The following FNBP4 variants were observed in gnomAD, a reference collection of about 807,000 sequenced individuals.
The protein encoded by FNBP4 is formin binding protein 4.
Under a neutral mutation model 119.3 loss-of-function variants are expected in FNBP4, and 34 were observed. That is an observed-to-expected ratio of 0.28 (90% CI 0.22 to 0.38). FNBP4 has a LOEUF of 0.38. Ranked by LOEUF, FNBP4 falls within the 10% of genes least tolerant of loss-of-function variation. The probability of loss-of-function intolerance (pLI) is 1.00; values close to 1 mark genes in which losing one functional copy is unlikely to be tolerated. For missense variants in FNBP4, 1,112 were observed against 1,228.9 expected (o/e 0.90, Z 1.42); for synonymous variants, 462 against 430.6 (o/e 1.07, Z -0.90).
At chr11:47,742,751 G>A (rs748753656) in intron 8 of FNBP4, among the ~76,000 whole-genome samples, 1 of 149,900 alleles carries the variant, frequency 6.7e-6, no homozygotes, top group East Asian at 2.0e-4. Flanking sequence ...TTAGCTGGGC[G>A]TGGTGACGGG....
rs1206644316 is a variant in FNBP4 at position 47,723,385 on chromosome 11, G to A, written c.2465-69C>T. Reference sequence around the variant, plus strand: ...GACAAGAACAGATGCAATGAAAAGAGAAGTGGGGATTAGATCACATAGAAA... The same window carrying A: ...GACAAGAACAGATGCAATGAAAAGAAAAGTGGGGATTAGATCACATAGAAA... On this transcript the variant is annotated intron_variant, in intron 14 of 16. Transcript: ENST00000263773. 5 of 1,520,424 alleles carry A rather than the reference G, an allele frequency of 3.3e-6. 1 individual carries two copies. In the Admixed American group the frequency reaches 6.5e-5, roughly 20 times the overall value. 94.2% of individuals were successfully genotyped at this position (1,520,424 alleles called of 1,614,324 possible).
chr11:47,750,818 T>C (rs2097601577), intron 6 of FNBP4, 98 bp downstream of exon 6: 1 of 1,266,036 alleles, frequency 7.9e-7, no homozygotes, highest in African/African-American at 1.5e-5. Context: ...ATTTCACATG[T>C]ATGACATAAA....
chr11:47,740,072 T>TTA lies in FNBP4; in HGVS notation c.1457-3334_1457-3333dup, dbSNP rs776828347. On this transcript the variant is annotated intron_variant, in intron 8 of 16. Transcript: ENST00000263773. ...GTCTCGGTCTCCCAAAGTGCTTGGA[T>TTA]TATAGGCGTGAGCCAGGCCAACATC... 1.2e-4 allele frequency among the ~76,000 whole-genome samples: 19 copies of TTA among 152,058 alleles called. 1 individual carries two copies. In the East Asian group the frequency reaches 3.7e-3, roughly 30 times the overall value.
In FNBP4 at chr11:47,723,284, TTGCCTGGTTTCCAATCCCTGC is replaced by T. The variant is rs756294204; in HGVS notation, c.2476_2496del (p.Ala826_Ala832del). The T allele has an allele frequency of 7.9e-5, 128 of 1,612,090 alleles. No individual in the cohort carries two copies. Among genetic ancestry groups the T allele is most frequent in the Middle Eastern group, 1.6e-4 (1 of 6,070 alleles). Reference sequence around the variant, plus strand: ...GGTATTGTCTGATGTCCAATTCCTGTTGCCTGGTTTCCAATCCCTGCTGCCTGGTGACCTAACACAGAAAAC... The same window carrying T: ...GGTATTGTCTGATGTCCAATTCCTGTTGCCTGGTGACCTAACACAGAAAAC... On this transcript the variant is annotated inframe_deletion, in exon 15 of 17. Coordinates refer to ENST00000263773, the MANE Select transcript of FNBP4 (RefSeq NM_015308.5).
At chr11:47,764,965 T>A (rs1212253103) in intron 2 of FNBP4, among the ~76,000 whole-genome samples, 2 of 152,012 alleles carry the variant, frequency 1.3e-5, no homozygotes, top group Non-Finnish European at 2.9e-5. Flanking sequence ...AGAAAAGGAA[T>A]AGGAGTTGGC....
chr11:47,733,138 C>T (rs1257634629), intron 10 of FNBP4, among the ~76,000 whole-genome samples: 2 of 152,138 alleles, frequency 1.3e-5, no homozygotes, highest in African/African-American at 4.8e-5. Flanking sequence ...CCCAAGTACG[C>T]AGCAGAGTTC....
At chr11:47,761,605 A>G (rs2097634713) in intron 2 of FNBP4, among the ~76,000 whole-genome samples, 1 of 151,984 alleles carries the variant, frequency 6.6e-6, no homozygotes, top group Non-Finnish European at 1.5e-5. Context: ...GCAAAAAAAA[A>G]AAGAGAAAAA....
intron 2 of FNBP4, among the ~76,000 whole-genome samples, chr11:47,759,636 G>A (rs2097628706): frequency 6.6e-6 from 1 of 152,098 alleles, no homozygotes; most frequent in African/African-American, 2.4e-5. Flanking sequence ...TTCTGGAAAG[G>A]AGAGTGGGAA....
chr11:47,724,317 A>G, intron 13 of FNBP4, 145 bp from the exon 14 acceptor site: 1 of 1,521,716 alleles, frequency 6.6e-7, no homozygotes, highest in Non-Finnish European at 8.9e-7. Flanking sequence ...CCTGGGCTTA[A>G]GCAATCCTCC....
Position 47,716,496 on chromosome 11 carries a change from G to A in FNBP4, c.*926C>T, listed in dbSNP as rs1470309362. ...TTACATAATCAGAATAACAGGAGTT[G>A]ACGAGCAAAAGGATAACCCATCAGG... On this transcript the variant is annotated 3_prime_UTR_variant, in exon 17 of 17. Transcript: ENST00000263773. 2.0e-5 allele frequency: 3 copies of A among 152,534 alleles called. No homozygotes were observed. The highest frequency in any genetic ancestry group is 7.2e-5 in the African/African-American group (3 of 41,390). 9.4% of individuals were successfully genotyped at this position (152,534 alleles called of 1,614,324 possible).
chr11:47,719,238 C>T (rs1043983566), intron 16 of FNBP4, among the ~76,000 whole-genome samples: 2 of 152,218 alleles, frequency 1.3e-5, no homozygotes, highest in African/African-American at 4.8e-5. Flanking sequence ...TGTGGTGGCT[C>T]ACACTTGTAT....
rs2097553782 is a variant in FNBP4, at chr11:47,719,998, G to T, written c.2894C>A (p.Ser965Tyr). ...RELDEEDNSSSSEEDRESTAQ... is the reference protein window; with the variant it reads ...RELDEEDNSSYSEEDRESTAQ... The stretch of plus-strand genomic sequence containing the variant: ...AGTTGATTCCCGATCCTCTTCACTG[G>T]AACTAGAATTGTCCTCTTCATCTAA... Residue 965 changes from serine to tyrosine, a missense_variant, in exon 16 of 17, where the codon TCC (serine) becomes TAC (tyrosine). This residue lies in a region of FNBP4 where 826 missense variants were observed against 988.8 expected (regional missense o/e 0.84). Transcript: ENST00000263773. 1.2e-6 allele frequency: 2 copies of T among 1,613,968 alleles called. No individual in the cohort carries two copies. The highest frequency in any genetic ancestry group is 1.7e-6 in the Non-Finnish European group (2 of 1,179,972).
intron 7 of FNBP4, among the ~76,000 whole-genome samples, chr11:47,745,141 C>T (rs947825514): frequency 2.0e-5 from 3 of 152,060 alleles, no homozygotes; most frequent in South Asian, 2.1e-4. Flanking sequence ...GATTGTAAAA[C>T]GTGTTTGAAC....
intron 14 of FNBP4, 84 bp downstream of exon 14, chr11:47,723,944 C>A: frequency 1.6e-5 from 18 of 1,137,766 alleles, no homozygotes; most frequent in Admixed American, 2.4e-5. Flanking sequence ...GAGCCTTTAA[C>A]ATTTCTTTAG....
chr11:47,747,092 C>T (rs181501362), intron 6 of FNBP4, among the ~76,000 whole-genome samples: 32 of 151,996 alleles, frequency 2.1e-4, no homozygotes, highest in Non-Finnish European at 3.2e-4. Context: ...AGTGCAATTG[C>T]GTGATCTCAA....
At chr11:47,736,503 T>G (rs1599190290) in intron 9 of FNBP4, 113 bp downstream of exon 9, 1 of 788,556 alleles carries the variant, frequency 1.3e-6, no homozygotes, top group Non-Finnish European at 1.9e-6. Context: ...GAGGTTGCAG[T>G]GAGCTGAGAT....
intron 3 of FNBP4, among the ~76,000 whole-genome samples, chr11:47,753,979 T>C (rs548793366): frequency 1.0e-3 from 148 of 141,402 alleles, no homozygotes; most frequent in Non-Finnish European, 1.7e-3. Context: ...CCGAGGTGGG[T>C]TGATCACCTG....
Position 47,744,070 on chromosome 11 carries a change from G to A in FNBP4, c.1339C>T (p.Arg447Cys), listed in dbSNP as rs1038673573. 7 of 1,613,912 alleles carry A rather than the reference G, an allele frequency of 4.3e-6. No individual in the cohort carries two copies. The highest frequency in any genetic ancestry group is 2.2e-5 in the East Asian group (1 of 44,894). The change falls in exon 8 of 17, where the codon CGT (arginine) becomes TGT (cysteine). Residue 447 changes from arginine to cysteine, a missense_variant. This residue lies in a region of FNBP4 where 826 missense variants were observed against 988.8 expected (regional missense o/e 0.84). Transcript: ENST00000263773. ...ISQPASQDGM[R>C]RLMSKRGKWK... ...TTTCCTCTTTTAGACATAAGCCTAC[G>A]CATTCCATCTTGAGATGCTGGCTGG...
chr11:47,749,921 T>C (rs1254726822), intron 6 of FNBP4, among the ~76,000 whole-genome samples: 2 of 152,162 alleles, frequency 1.3e-5, no homozygotes, highest in Non-Finnish European at 2.9e-5. Flanking sequence ...CAACCTGCAG[T>C]AGTTTTTAAA....
Sources: gnomAD v4.1 joint callset for allele counts (sites outside exome capture counted in the v4.1 genomes callset) on GRCh38, gnomAD v4.1.1 for gene constraint, gnomAD v4.1.1 regional missense constraint, MANE v1.5 for transcripts, NCBI Gene and HGNC (gene_info 2026-07-23, HGNC 2026-07-21) for gene names.